Variants in SLC35F3 observed in about 807,000 individuals in gnomAD.
SLC35F3 encodes the protein solute carrier family 35 member F3.
SLC35F3 carries 25 observed loss-of-function variants against 49.9 expected under a neutral mutation model. The observed-to-expected ratio is 0.50, with a 90% CI of 0.37 to 0.70. The LOEUF (loss-of-function observed/expected upper bound fraction) is 0.70. SLC35F3 is among the 30% of genes least tolerant of loss of function. The pLI is 0.00. For synonymous variants in SLC35F3, 275 were observed against 265.4 expected (o/e 1.04, Z -0.35); for missense variants, 525 against 639.8 (o/e 0.82, Z 1.94).
intron 2 of SLC35F3, among the ~76,000 whole-genome samples, chr1:234,140,268 C>T (rs10797531): frequency 0.42 from 64,090 of 151,878 alleles, 15,486 homozygotes; most frequent in Non-Finnish European, 0.55. Context: ...TCTCATCACG[C>T]AGGCATTTAA....
At chr1:234,025,582 A>T (rs193232487) in intron 2 of SLC35F3, among the ~76,000 whole-genome samples, 2 of 152,184 alleles carry the variant, frequency 1.3e-5, no homozygotes, top group Admixed American at 1.3e-4. Context: ...GATGTTGAGC[A>T]TTTTTTCATA....
At chr1:234,176,677 T>G (rs1169077799) in intron 2 of SLC35F3, among the ~76,000 whole-genome samples, 1 of 151,724 alleles carries the variant, frequency 6.6e-6, no homozygotes, top group African/African-American at 2.4e-5. Flanking sequence ...AGCATTCTAC[T>G]TCAGAACCAC....
chr1:234,260,108 A>G (rs1420672690), intron 3 of SLC35F3, among the ~76,000 whole-genome samples: 1 of 152,114 alleles, frequency 6.6e-6, no homozygotes, highest in Non-Finnish European at 1.5e-5. Context: ...GCTTCCATCT[A>G]CTTGAAATCA....
At chr1:234,137,706 T>C (rs1665832052) in intron 2 of SLC35F3, among the ~76,000 whole-genome samples, 1 of 152,098 alleles carries the variant, frequency 6.6e-6, no homozygotes, top group Non-Finnish European at 1.5e-5. Context: ...AAGATGGAGC[T>C]GAAAGTATGC....
rs570652797 is a variant in SLC35F3, at chr1:234,008,190, A to G, written c.283+102432A>G. On this transcript the variant is annotated intron_variant, in intron 2 of 7. Coordinates refer to ENST00000366618, the MANE Select transcript of SLC35F3 (RefSeq NM_173508.4). ...CTTCTAAAAAGAGTTTCAGCCTCCA[A>G]AGATCCCATTATGATAGCTATTTAG... is the stretch of plus-strand genomic sequence containing the variant. 2.6e-5 allele frequency among the ~76,000 whole-genome samples: 4 copies of G among 152,264 alleles called. No individual in the cohort carries two copies. In the South Asian group the frequency reaches 8.3e-4, roughly 32 times the overall value.
intron 2 of SLC35F3, among the ~76,000 whole-genome samples, chr1:234,063,738 A>G (rs1384011424): frequency 6.6e-6 from 1 of 151,984 alleles, no homozygotes; most frequent in Admixed American, 6.6e-5. Flanking sequence ...TAACTTAACC[A>G]CTCAGTCAAT....
chr1:234,113,136 TTC>T (rs1313667807), intron 2 of SLC35F3, among the ~76,000 whole-genome samples: 3 of 152,130 alleles, frequency 2.0e-5, no homozygotes. Flanking sequence ...TGCTTAAAGT[TTC>T]TGACATAATC....
intron 2 of SLC35F3, among the ~76,000 whole-genome samples, chr1:234,138,808 C>T (rs9435563): frequency 0.037 from 5,614 of 152,302 alleles, 337 homozygotes; most frequent in African/African-American, 0.13. Context: ...TCCTCAGCCT[C>T]CCAAAGTGTT....
At chr1:233,909,594 G>T (rs935567638) in intron 2 of SLC35F3, among the ~76,000 whole-genome samples, 4 of 152,244 alleles carry the variant, frequency 2.6e-5, no homozygotes, top group Non-Finnish European at 2.9e-5. Flanking sequence ...CTGAACCACA[G>T]ACTGGACCAG....
At chr1:234,169,758 C>CTGTTT (rs112663821) in intron 2 of SLC35F3, among the ~76,000 whole-genome samples, 3,043 of 152,104 alleles carry the variant, frequency 0.02, 107 homozygotes, top group African/African-American at 0.065. Context: ...AGGGGAACAT[C>CTGTTT]TGTTTTGTTT....
chr1:234,063,937 A>C (rs974818905), intron 2 of SLC35F3, among the ~76,000 whole-genome samples: 6 of 152,222 alleles, frequency 3.9e-5, no homozygotes, highest in African/African-American at 1.4e-4. Flanking sequence ...ATAGTCCTAC[A>C]TGTGGGATCT....
chr1:234,265,823 TCTC>T (rs1350327782), intron 3 of SLC35F3, among the ~76,000 whole-genome samples: 1 of 151,972 alleles, frequency 6.6e-6, no homozygotes, highest in Non-Finnish European at 1.5e-5. Flanking sequence ...CCCTGATCCT[TCTC>T]CTCCCTTCTC....
At chr1:234,145,935 T>C (rs1665989028) in intron 2 of SLC35F3, among the ~76,000 whole-genome samples, 1 of 152,218 alleles carries the variant, frequency 6.6e-6, no homozygotes, top group African/African-American at 2.4e-5. Flanking sequence ...CTATTAAGAT[T>C]ATACCCCAGC....
At chr1:234,288,780 A>T (rs1213987587) in intron 3 of SLC35F3, among the ~76,000 whole-genome samples, 1 of 152,236 alleles carries the variant, frequency 6.6e-6, no homozygotes, top group South Asian at 2.1e-4. Flanking sequence ...TCCATTATTG[A>T]TAAATAGTGG....
At chr1:233,924,468 T>C (rs12240264) in intron 2 of SLC35F3, among the ~76,000 whole-genome samples, 241 of 152,232 alleles carry the variant, frequency 1.6e-3, no homozygotes, top group Non-Finnish European at 2.0e-3. Flanking sequence ...GTAGTTTGTA[T>C]TTCTGTGGGA....
chr1:233,989,312 A>G lies in SLC35F3; in HGVS notation c.283+83554A>G, dbSNP rs12567674. 4.9e-3 allele frequency among the ~76,000 whole-genome samples: 751 copies of G among 152,360 alleles called. 20 individuals are homozygous for G. The highest frequency in any genetic ancestry group is 0.038 in the East Asian group (195 of 5,182). ...AGCTTTATAATGACAGAGAATTTCT[A>G]TGAAAACTTTTTTGTTTCATAATGA... On this transcript the variant is annotated intron_variant, in intron 2 of 7. Coordinates refer to ENST00000366618, the MANE Select transcript of SLC35F3 (RefSeq NM_173508.4).
At chr1:233,939,801 G>A (rs1411494250) in intron 2 of SLC35F3, among the ~76,000 whole-genome samples, 1 of 152,152 alleles carries the variant, frequency 6.6e-6, no homozygotes, top group Non-Finnish European at 1.5e-5. Context: ...GCTTTCCTGG[G>A]ACTGAACATG....
chr1:233,969,923 T>C (rs1184903331), intron 2 of SLC35F3, among the ~76,000 whole-genome samples: 1 of 152,144 alleles, frequency 6.6e-6, no homozygotes, highest in East Asian at 1.9e-4. Context: ...GGGGAAGGAT[T>C]CTCTCTCCTC....
At chr1:234,207,016 C>T (rs1367285857) in intron 2 of SLC35F3, among the ~76,000 whole-genome samples, 3 of 152,134 alleles carry the variant, frequency 2.0e-5, no homozygotes, top group African/African-American at 7.2e-5. Flanking sequence ...GGAGCTGTCT[C>T]CTGGCGTTGA....
Sources: allele counts gnomAD v4.1 joint callset (sites outside exome capture counted in the v4.1 genomes callset), GRCh38; gene constraint gnomAD v4.1.1; transcripts MANE v1.5; gene names NCBI Gene and HGNC (gene_info 2026-07-23, HGNC 2026-07-21).